Variants in IFT74 observed in about 807,000 individuals in gnomAD.
The protein encoded by IFT74 is intraflagellar transport 74, also known as intraflagellar transport protein 74 homolog.
Under a neutral mutation model 96.7 loss-of-function variants are expected in IFT74, and 92 were observed. That is an observed-to-expected ratio of 0.95 (90% CI 0.80 to 1.13). IFT74 has a LOEUF of 1.13. Among genes scored for constraint, IFT74 ranks in the 50% most tolerant of loss-of-function variants. The probability of loss-of-function intolerance (pLI) is 0.00; values close to 1 mark genes in which losing one functional copy is unlikely to be tolerated. For synonymous variants in IFT74, 223 were observed against 213.2 expected (o/e 1.05, Z -0.40); for missense variants, 811 against 698.2 (o/e 1.16, Z -1.82).
At chr9:27,010,692 C>T (rs1212305024) in intron 9 of IFT74, among the ~76,000 whole-genome samples, 1 of 149,574 alleles carries the variant, frequency 6.7e-6, no homozygotes, top group Admixed American at 6.6e-5. Flanking sequence ...AGTGTTTCAC[C>T]GTGTTAGCCA....
At chr9:27,005,800 T>A (rs1284958471) in intron 8 of IFT74, 2 of 152,162 alleles carry the variant, frequency 1.3e-5, no homozygotes, top group Non-Finnish European at 2.9e-5. Context: ...CCTTTTTTAG[T>A]ATAACAAGTA....
chr9:27,065,190 T>G lies in IFT74; in HGVS notation c.*2454T>G, dbSNP rs554912497. The stretch of plus-strand genomic sequence containing the variant: ...CTAATTTATTCATATGTAATATTGG[T>G]GGGGGGCAAATAATTGAGCAGGATT... On this transcript the variant is annotated 3_prime_UTR_variant, in exon 20 of 20. Coordinates refer to ENST00000380062, the MANE Select transcript of IFT74 (RefSeq NM_025103.4). Among the ~76,000 whole-genome samples the G allele has an allele frequency of 1.3e-5, 2 of 152,202 alleles. No homozygotes were observed. The highest frequency in any genetic ancestry group is 2.9e-5 in the Non-Finnish European group (2 of 67,970).
intron 11 of IFT74, among the ~76,000 whole-genome samples, chr9:27,018,248 C>A (rs1829440343): frequency 6.6e-6 from 1 of 152,048 alleles, no homozygotes; most frequent in Non-Finnish European, 1.5e-5. Flanking sequence ...GTACATATAT[C>A]CTCTCAAAGG....
rs1820118272 is a variant in IFT74, at chr9:27,055,444, G to C, written c.1334-165G>C. On this transcript the variant is annotated intron_variant, in intron 16 of 19. Transcript: ENST00000380062. ...ACCTGAAATTGGTTATTGAGGGGAT[G>C]AGTATTTTTTTTTCTTAGTTTATAT... is the stretch of plus-strand genomic sequence containing the variant. Among the ~76,000 whole-genome samples, 3 of 152,160 alleles carry C rather than the reference G, an allele frequency of 2.0e-5. No homozygotes were observed. In the South Asian group the frequency reaches 6.2e-4, roughly 32 times the overall value.
intron 7 of IFT74, 64 bp downstream of exon 7, chr9:26,988,792 T>C: frequency 7.5e-7 from 1 of 1,332,632 alleles, no homozygotes; most frequent in Non-Finnish European, 1.0e-6. Flanking sequence ...AAAGCATTTA[T>C]ATCTAGAAAT....
intron 6 of IFT74, among the ~76,000 whole-genome samples, chr9:26,986,534 C>G (rs1358722750): frequency 6.6e-6 from 1 of 152,014 alleles, no homozygotes; most frequent in Non-Finnish European, 1.5e-5. Context: ...CCATACTGGT[C>G]TCAAACTCAT....
chr9:26,993,601 CTATTT>C (rs751056605), intron 8 of IFT74: 3 of 152,262 alleles, frequency 2.0e-5, no homozygotes, highest in Non-Finnish European at 2.9e-5. Context: ...TGACATAGAT[CTATTT>C]TATTTTAGCC....
chr9:27,044,596 T>C, intron 13 of IFT74, 146 bp from the exon 14 acceptor site: 1 of 556,650 alleles, frequency 1.8e-6, no homozygotes, highest in Non-Finnish European at 3.2e-6. Flanking sequence ...AAAGTCTCTA[T>C]AAGTCATTGT....
intron 18 of IFT74, among the ~76,000 whole-genome samples, chr9:27,057,536 A>C (rs1243453813): frequency 2.6e-5 from 4 of 152,190 alleles, no homozygotes; most frequent in Non-Finnish European, 4.4e-5. Context: ...ATTTGCACAC[A>C]TGGTTTAAAA....
In IFT74 at chr9:27,024,419, A is replaced by G. The variant is rs150430861; in HGVS notation, c.975-4606A>G. Among the ~76,000 whole-genome samples, 825 of 152,260 alleles carry G rather than the reference A, an allele frequency of 5.4e-3. 6 individuals carry two copies. Among genetic ancestry groups the G allele is most frequent in the African/African-American group, 0.018 (763 of 41,560 alleles). Reference sequence around the variant, plus strand: ...GGCTAGACCCAGAACAGCAATAACAATCACTGCAGTCTGGCTCTCAGGAAG... The same window carrying G: ...GGCTAGACCCAGAACAGCAATAACAGTCACTGCAGTCTGGCTCTCAGGAAG... On this transcript the variant is annotated intron_variant, in intron 12 of 19. Coordinates refer to ENST00000380062, the MANE Select transcript of IFT74 (RefSeq NM_025103.4).
At chr9:27,056,288 A>G (rs1377862048) in intron 17 of IFT74, 46 bp from the exon 18 acceptor site, 10 of 1,371,754 alleles carry the variant, frequency 7.3e-6, no homozygotes, top group Non-Finnish European at 1.0e-5. Context: ...ATATTGGCTT[A>G]CTACATATTT....
At chr9:27,049,081 T>C (rs576679914) in intron 16 of IFT74, among the ~76,000 whole-genome samples, 8 of 152,252 alleles carry the variant, frequency 5.3e-5, no homozygotes, top group South Asian at 2.1e-4. Flanking sequence ...TCCTTCTCTC[T>C]CTTGCCTTGT....
Position 27,009,257 on chromosome 9 carries a change from T to A in IFT74, c.726+99T>A, listed in dbSNP as rs574720942. On this transcript the variant is annotated intron_variant, in intron 9 of 19. Transcript: ENST00000380062. ...CATCAGCATCCCCTGAGAACTTGAC[T>A]ATACTTTGAGATCAGTTTTCATTTT... 5.7e-6 allele frequency: 6 copies of A among 1,044,950 alleles called. No individual in the cohort carries two copies. In the South Asian group the frequency reaches 1.2e-4, roughly 20 times the overall value. The allele number at this position is 1,044,950 out of a possible 1,614,324, so 64.7% of individuals were successfully genotyped here. A position where few individuals can be genotyped will look rare whatever the true frequency, so the allele number is the denominator to read the frequency against.
intron 9 of IFT74, 41 bp from the exon 10 acceptor site, chr9:27,011,865 A>G (rs1383082203): frequency 7.4e-7 from 1 of 1,360,238 alleles, no homozygotes; most frequent in Admixed American, 2.5e-5. Context: ...ATTATTCTTA[A>G]TGTAATTTGG....
intron 2 of IFT74, among the ~76,000 whole-genome samples, chr9:26,975,831 C>T (rs1827090871): frequency 6.6e-6 from 1 of 152,186 alleles, no homozygotes. Context: ...TCCTTTAGCC[C>T]CACCTGTTGG....
chr9:26,993,325 AAG>A (rs1196250005), intron 8 of IFT74: 1 of 152,198 alleles, frequency 6.6e-6, no homozygotes, highest in African/African-American at 2.4e-5. Flanking sequence ...TGTTTAGAAA[AAG>A]ATATTTTATG....
intron 6 of IFT74, among the ~76,000 whole-genome samples, chr9:26,984,959 A>G (rs1453329620): frequency 6.6e-6 from 1 of 152,220 alleles, no homozygotes; most frequent in Non-Finnish European, 1.5e-5. Context: ...TACTGGATGT[A>G]TACCCAAAGG....
At chr9:27,012,721 T>G (rs931691468) in intron 10 of IFT74, among the ~76,000 whole-genome samples, 3 of 138,704 alleles carry the variant, frequency 2.2e-5, no homozygotes, top group African/African-American at 8.3e-5. Context: ...TTTTTTTTTT[T>G]TTTTTTTTTT....
At chr9:26,967,148 T>C (rs1036794424) in intron 2 of IFT74, among the ~76,000 whole-genome samples, 1 of 151,996 alleles carries the variant, frequency 6.6e-6, no homozygotes, top group Non-Finnish European at 1.5e-5. Context: ...GTCATTGATA[T>C]TTTGACAAGG....
Sources: allele counts gnomAD v4.1 joint callset (sites outside exome capture counted in the v4.1 genomes callset), GRCh38; gene constraint gnomAD v4.1.1; transcripts MANE v1.5; gene names NCBI Gene and HGNC (gene_info 2026-07-23, HGNC 2026-07-21).